Variants in LINGO2 observed in about 807,000 individuals in gnomAD.
The protein encoded by LINGO2 is leucine-rich repeat and immunoglobulin-like domain-containing nogo receptor-interacting protein 2.
In LINGO2, 14 loss-of-function variants were observed where a neutral mutation model predicts 30.6. The observed-to-expected ratio is 0.46, with a 90% CI of 0.30 to 0.72. The LOEUF is 0.72. Ranked by LOEUF, LINGO2 falls within the 30% of genes least tolerant of loss-of-function variation. The pLI is 0.07. For missense variants in LINGO2, 729 were observed against 751.7 expected (o/e 0.97, Z 0.35); for synonymous variants, 317 against 288.5 (o/e 1.10, Z -1.00).
chr9:28,057,564 T>TACATATATATACACATATATGTATAG (rs1824989017), intron 4 of LINGO2, among the ~76,000 whole-genome samples: 1 of 22,596 alleles, frequency 4.4e-5, no homozygotes, highest in African/African-American at 9.2e-5. Context: ...TATATATATA[T>TACATATATATACACATATATGTATAG]ACATATATAT....
the LINGO2 span, among the ~76,000 whole-genome samples, chr9:28,802,390 G>A: frequency 2.6e-5 from 4 of 152,000 alleles, no homozygotes; most frequent in African/African-American, 4.8e-5. Context: ...TCTGTAAGAT[G>A]AGCAGTTGTC....
the LINGO2 span, among the ~76,000 whole-genome samples, chr9:28,866,771 G>T: frequency 1.3e-5 from 2 of 152,122 alleles, no homozygotes; most frequent in East Asian, 3.8e-4. Flanking sequence ...TATCACCGGG[G>T]GGTAAATTCC....
chr9:28,101,983 G>A (rs1367299677), intron 4 of LINGO2, among the ~76,000 whole-genome samples: 1 of 152,098 alleles, frequency 6.6e-6, no homozygotes, highest in Non-Finnish European at 1.5e-5. Context: ...AGACTGGTGT[G>A]ACAAATATAA....
intron 5 of LINGO2, among the ~76,000 whole-genome samples, chr9:27,993,927 A>T (rs188043456): frequency 1.7e-4 from 25 of 148,202 alleles, no homozygotes; most frequent in African/African-American, 2.2e-4. Context: ...TCAACAAATT[A>T]AAAAAAAAAA....
chr9:28,686,773 A>G, the LINGO2 span, among the ~76,000 whole-genome samples: 10 of 152,064 alleles, frequency 6.6e-5, no homozygotes, highest in African/African-American at 2.2e-4. Context: ...TGGAATATCC[A>G]TTTCAGCTCT....
At chr9:28,568,323 T>C (rs963743557) in intron 1 of LINGO2, among the ~76,000 whole-genome samples, 1 of 151,914 alleles carries the variant, frequency 6.6e-6, no homozygotes, top group Non-Finnish European at 1.5e-5. Context: ...GGGGTCTACT[T>C]GTGGGTAGAG....
intron 4 of LINGO2, among the ~76,000 whole-genome samples, chr9:28,068,609 CA>C (rs1359067274): frequency 3.3e-5 from 5 of 152,150 alleles, no homozygotes; most frequent in African/African-American, 1.2e-4. Flanking sequence ...AACTTTTACT[CA>C]TTTAGCAGTG....
intron 3 of LINGO2, among the ~76,000 whole-genome samples, chr9:28,313,997 G>T (rs937064018): frequency 5.3e-5 from 8 of 151,904 alleles, no homozygotes; most frequent in African/African-American, 1.9e-4. Flanking sequence ...GCAGTGGCGC[G>T]ATCTTGGCTC....
the LINGO2 span, among the ~76,000 whole-genome samples, chr9:29,008,257 C>G: frequency 6.6e-6 from 1 of 152,160 alleles, no homozygotes; most frequent in Non-Finnish European, 1.5e-5. Context: ...GACAGGAACT[C>G]ATCCTTTTTT....
intron 4 of LINGO2, among the ~76,000 whole-genome samples, chr9:28,268,304 A>G (rs68176631): frequency 0.36 from 54,764 of 151,918 alleles, 10,271 homozygotes; most frequent in Middle Eastern, 0.56. Context: ...GAACTAGATT[A>G]GAAGAGTACC....
At chr9:29,098,565 C>A in the LINGO2 span, among the ~76,000 whole-genome samples, 1 of 151,894 alleles carries the variant, frequency 6.6e-6, no homozygotes, top group South Asian at 2.1e-4. Context: ...ATGTGGAAGT[C>A]CCTGAGACGT....
the LINGO2 span, among the ~76,000 whole-genome samples, chr9:29,116,897 A>G: frequency 6.6e-6 from 1 of 152,142 alleles, no homozygotes; most frequent in East Asian, 1.9e-4. Flanking sequence ...TATTTTACAT[A>G]ATGCCATGTC....
chr9:28,119,231 G>A (rs569025587), intron 4 of LINGO2, among the ~76,000 whole-genome samples: 13 of 152,200 alleles, frequency 8.5e-5, no homozygotes, highest in Middle Eastern at 6.8e-3. Flanking sequence ...CCTTGTGAGG[G>A]TTCCCAACCT....
intron 1 of LINGO2, among the ~76,000 whole-genome samples, chr9:28,551,840 A>C (rs933802025): frequency 6.6e-6 from 1 of 152,030 alleles, no homozygotes; most frequent in African/African-American, 2.4e-5. Flanking sequence ...GTGTGTCCTC[A>C]GCCTCTCATC....
chr9:28,037,722 C>T (rs16912341), intron 4 of LINGO2, among the ~76,000 whole-genome samples: 1,603 of 152,290 alleles, frequency 0.011, 40 homozygotes, highest in African/African-American at 0.037. Flanking sequence ...AATAAATTAG[C>T]GAATGAATGA....
At chr9:28,997,375 T>C in the LINGO2 span, among the ~76,000 whole-genome samples, 1 of 152,220 alleles carries the variant, frequency 6.6e-6, no homozygotes, top group Non-Finnish European at 1.5e-5. Flanking sequence ...TGGTCAAGCA[T>C]TGTGCTAAAT....
intron 1 of LINGO2, among the ~76,000 whole-genome samples, chr9:28,551,540 T>C (rs948397879): frequency 6.6e-6 from 1 of 152,054 alleles, no homozygotes; most frequent in Non-Finnish European, 1.5e-5. Flanking sequence ...ATCCAAATTA[T>C]ATGCTCATGC....
At chr9:29,058,394 A>G in the LINGO2 span, among the ~76,000 whole-genome samples, 4 of 152,090 alleles carry the variant, frequency 2.6e-5, no homozygotes, top group African/African-American at 9.7e-5. Flanking sequence ...AAGATATCCA[A>G]ATTGAATCAC....
At chr9:28,326,141 G>A (rs1425459703) in intron 3 of LINGO2, among the ~76,000 whole-genome samples, 1 of 152,230 alleles carries the variant, frequency 6.6e-6, no homozygotes, top group Non-Finnish European at 1.5e-5. Context: ...CGAGTAGCTG[G>A]AATCACAGTC....
Sources: allele counts gnomAD v4.1 joint callset (sites outside exome capture counted in the v4.1 genomes callset), GRCh38; gene constraint gnomAD v4.1.1; transcripts MANE v1.5; gene names NCBI Gene and HGNC (gene_info 2026-07-23, HGNC 2026-07-21).